Variants in HCRTR2 observed in about 807,000 individuals in gnomAD.
The protein encoded by HCRTR2 is orexin receptor type 2.
In HCRTR2, 22 loss-of-function variants were observed where a neutral mutation model predicts 49.0. The ratio of observed to expected loss-of-function variants is 0.45; its 90% confidence interval spans 0.32 to 0.64. The LOEUF is 0.64. Among genes scored for constraint, HCRTR2 ranks in the 30% least tolerant of loss-of-function variants. HCRTR2 has a pLI of 0.04. For synonymous variants in HCRTR2, 236 were observed against 205.3 expected (o/e 1.15, Z -1.28); for missense variants, 491 against 559.4 (o/e 0.88, Z 1.23).
intron 1 of HCRTR2, among the ~76,000 whole-genome samples, chr6:55,142,279 C>G (rs934389380): frequency 2.0e-5 from 3 of 151,878 alleles, no homozygotes; most frequent in Non-Finnish European, 4.4e-5. Flanking sequence ...TCACTGCAAG[C>G]TCCCTCTCCT....
At chr6:55,158,901 G>A (rs1183059829) in intron 1 of HCRTR2, among the ~76,000 whole-genome samples, 1 of 152,164 alleles carries the variant, frequency 6.6e-6, no homozygotes, top group Non-Finnish European at 1.5e-5. Flanking sequence ...AAATATTGCC[G>A]CAAGCTGACT....
intron 1 of HCRTR2, among the ~76,000 whole-genome samples, chr6:55,183,002 T>G (rs985549905): frequency 6.6e-6 from 1 of 152,208 alleles, no homozygotes. Context: ...AGCTGATAGA[T>G]ATATCGTTGC....
chr6:55,150,683 T>C (rs765122056), intron 1 of HCRTR2, among the ~76,000 whole-genome samples: 8 of 152,026 alleles, frequency 5.3e-5, no homozygotes, highest in Non-Finnish European at 1.0e-4. Context: ...TTTTCAAGGC[T>C]GAATAACATT....
intron 1 of HCRTR2, among the ~76,000 whole-genome samples, chr6:55,241,932 A>G (rs755148951): frequency 9.0e-5 from 13 of 144,400 alleles, no homozygotes; most frequent in Non-Finnish European, 1.8e-4. Context: ...GCAGTGGTGA[A>G]ATCTCGGCTC....
At chr6:55,184,050 C>T (rs1303700660) in intron 1 of HCRTR2, among the ~76,000 whole-genome samples, 9 of 152,114 alleles carry the variant, frequency 5.9e-5, no homozygotes, top group African/African-American at 2.2e-4. Flanking sequence ...GCCTCAGCCT[C>T]CCCAGTAGCT....
intron 1 of HCRTR2, among the ~76,000 whole-genome samples, chr6:55,247,228 T>G (rs1460785910): frequency 6.6e-6 from 1 of 152,044 alleles, no homozygotes; most frequent in Non-Finnish European, 1.5e-5. Flanking sequence ...AAGACTACAG[T>G]TACCCTGATT....
At chr6:55,282,802 C>A (rs556489859), downstream of HCRTR2, among the ~76,000 whole-genome samples, 162 of 151,874 alleles carry the variant, frequency 1.1e-3, no homozygotes, top group Middle Eastern at 3.5e-3. Context: ...TAAAAATTAC[C>A]AGAATCTATC....
At position 55,174,533 on chromosome 6, in the gene HCRTR2, TG is replaced by T; in HGVS notation, c.-51del. ...TCCCACCGCAAATCACCAGTGCTCA[TG>T]GGGCAGGCGGAGAGGAGCTTGCAGC... On this transcript the variant is annotated 5_prime_UTR_variant, in exon 1 of 7. It removes the in-frame stop codon of an upstream open reading frame in the 5' UTR. Transcript: ENST00000370862. 1 of 1,420,454 alleles carries T rather than the reference TG, an allele frequency of 7.0e-7. No individual in the cohort carries two copies. Among genetic ancestry groups the T allele is most frequent in the Non-Finnish European group, 1.0e-6 (1 of 1,003,852 alleles). The allele number at this position is 1,420,454 out of a possible 1,614,324, so 88.0% of individuals were successfully genotyped here.
chr6:55,117,869 TG>T (rs1561976434), intron 1 of HCRTR2, among the ~76,000 whole-genome samples: 2 of 130,320 alleles, frequency 1.5e-5, no homozygotes, highest in African/African-American at 4.9e-5. Flanking sequence ...ACAGACTGTT[TG>T]TTTTTTTTTC....
At chr6:55,222,243 C>T (rs1167218271) in intron 1 of HCRTR2, among the ~76,000 whole-genome samples, 1 of 151,386 alleles carries the variant, frequency 6.6e-6, no homozygotes, top group African/African-American at 2.4e-5. Context: ...GCAAACCAAA[C>T]CACATGAGCT....
Position 55,225,052 on chromosome 6 carries a change from A to T in HCRTR2, c.224-23587A>T, listed in dbSNP as rs375537166. ...ATTATGTGAGGTAATACATTTTTTA[A>T]TTAGCTCCCTTTAGCCATTCCACAA... On this transcript the variant is annotated intron_variant, in intron 1 of 6. Transcript: ENST00000370862. Among the ~76,000 whole-genome samples the T allele has an allele frequency of 9.9e-4, 151 of 152,306 alleles. 6 individuals carry two copies. The South Asian group carries it at 0.025, about 25-fold the overall frequency.
intron 3 of HCRTR2, among the ~76,000 whole-genome samples, chr6:55,262,675 A>T (rs1354887540): frequency 7.1e-6 from 1 of 141,042 alleles, no homozygotes; most frequent in Non-Finnish European, 1.5e-5. Flanking sequence ...TATAATATAT[A>T]AAATATATAT....
chr6:55,160,665 A>G (rs953115410), intron 1 of HCRTR2, among the ~76,000 whole-genome samples: 1 of 152,170 alleles, frequency 6.6e-6, no homozygotes, highest in South Asian at 2.1e-4. Context: ...GGAAAGCAAA[A>G]TAAAGCGGAG....
At chr6:55,203,069 T>C (rs996115527) in intron 1 of HCRTR2, among the ~76,000 whole-genome samples, 1 of 152,204 alleles carries the variant, frequency 6.6e-6, no homozygotes, top group Non-Finnish European at 1.5e-5. Context: ...CTTCCAGTTT[T>C]ACCGTTACAT....
At chr6:55,255,471 T>C (rs1476039792) in intron 3 of HCRTR2, 92 bp downstream of exon 3, 2 of 1,441,892 alleles carry the variant, frequency 1.4e-6, no homozygotes, top group Non-Finnish European at 1.9e-6. Context: ...TGGGCTTATA[T>C]ATTTTATTGA....
intron 4 of HCRTR2, among the ~76,000 whole-genome samples, chr6:55,267,363 C>T (rs78678283): frequency 0.013 from 1,893 of 148,828 alleles, 44 homozygotes; most frequent in African/African-American, 0.044. Context: ...AAAGAATTAG[C>T]TAATGCATTG....
intron 1 of HCRTR2, among the ~76,000 whole-genome samples, chr6:55,118,599 G>A (rs143528624): frequency 5.9e-5 from 9 of 151,816 alleles, no homozygotes; most frequent in African/African-American, 2.2e-4. Context: ...CATTCTCACT[G>A]GTGTTAGGTA....
At chr6:55,115,185 T>G (rs1186226162) in intron 1 of HCRTR2, among the ~76,000 whole-genome samples, 1 of 151,964 alleles carries the variant, frequency 6.6e-6, no homozygotes, top group Non-Finnish European at 1.5e-5. Flanking sequence ...ATCTTTCATT[T>G]ATCCATGTAT....
At chr6:55,208,900 A>C (rs2127290193) in intron 1 of HCRTR2, among the ~76,000 whole-genome samples, 1 of 152,368 alleles carries the variant, frequency 6.6e-6, no homozygotes, top group African/African-American at 2.4e-5. Flanking sequence ...TTGGGCCTTA[A>C]GTCAAGGCCC....
Sources: gnomAD v4.1 joint callset for allele counts (sites outside exome capture counted in the v4.1 genomes callset) on GRCh38, gnomAD v4.1.1 for gene constraint, MANE v1.5 for transcripts, NCBI Gene and HGNC (gene_info 2026-07-23, HGNC 2026-07-21) for gene names.